The following CLINT1 variants were observed in gnomAD, a reference collection of about 807,000 sequenced individuals.
CLINT1 encodes the protein clathrin interacting protein localized in the trans-Golgi region.
A neutral mutation model predicts 70.4 loss-of-function variants in CLINT1; 15 were observed. The ratio of observed to expected loss-of-function variants is 0.21; its 90% CI spans 0.14 to 0.33. The LOEUF is 0.33. CLINT1 is among the 10% of genes least tolerant of loss of function. The probability of loss-of-function intolerance (pLI) is 1.00; values close to 1 mark genes in which losing one functional copy is unlikely to be tolerated. For synonymous variants in CLINT1, 227 were observed against 254.7 expected (o/e 0.89, Z 1.04); for missense variants, 615 against 778.1 (o/e 0.79, Z 2.49).
chr5:157,832,648 T>C (rs997004204), intron 1 of CLINT1, among the ~76,000 whole-genome samples: 1 of 152,232 alleles, frequency 6.6e-6, no homozygotes, highest in African/African-American at 2.4e-5. Flanking sequence ...GTGTTGGCCA[T>C]GTTAGTGCAC....
chr5:157,858,973 T>C lies in CLINT1; in HGVS notation c.-3A>G. 1.3e-6 allele frequency: 2 copies of C among 1,578,044 alleles called. No homozygotes were observed. Among genetic ancestry groups the C allele is most frequent in the Non-Finnish European group, 1.7e-6 (2 of 1,157,950 alleles). On this transcript the variant is annotated 5_prime_UTR_variant, in exon 1 of 12. Coordinates refer to ENST00000411809, the MANE Select transcript of CLINT1 (RefSeq NM_014666.4). ...CGCACCTTCCACATGTTCAACATCGTGCCCCGCGCGGGACGGTCCGCCGCC... is the reference window on the plus strand; with the variant it reads ...CGCACCTTCCACATGTTCAACATCGCGCCCCGCGCGGGACGGTCCGCCGCC...
intron 5 of CLINT1, among the ~76,000 whole-genome samples, chr5:157,811,728 A>C (rs929625235): frequency 9.2e-5 from 14 of 152,258 alleles, no homozygotes; most frequent in Non-Finnish European, 1.5e-4. Context: ...TCAATTTTCT[A>C]AGTTTAGCTG....
chr5:157,806,136 A>C, intron 6 of CLINT1, 24 bp from the exon 7 acceptor site: 1 of 1,608,818 alleles, frequency 6.2e-7, no homozygotes, highest in Non-Finnish European at 8.5e-7. Context: ...AAAATGAAGC[A>C]AAATAATAAG....
intron 1 of CLINT1, among the ~76,000 whole-genome samples, chr5:157,841,409 C>G (rs1753175314): frequency 1.3e-5 from 2 of 151,078 alleles, no homozygotes; most frequent in African/African-American, 4.9e-5. Flanking sequence ...CTACTGAAAA[C>G]ACAAAAATTA....
intron 8 of CLINT1, chr5:157,795,858 C>G (rs1485300157): frequency 6.6e-6 from 1 of 152,080 alleles, no homozygotes. Flanking sequence ...AGTGAGACTT[C>G]GTCTCTACAA....
chr5:157,818,649 CA>C (rs1010401458), intron 1 of CLINT1, among the ~76,000 whole-genome samples: 8 of 151,412 alleles, frequency 5.3e-5, no homozygotes, highest in African/African-American at 1.9e-4. Context: ...ACCCTGTCTC[CA>C]AAAAACAAAA....
chr5:157,830,863 A>G (rs1456207717), intron 1 of CLINT1, among the ~76,000 whole-genome samples: 1 of 150,230 alleles, frequency 6.7e-6, no homozygotes, highest in Non-Finnish European at 1.5e-5. Flanking sequence ...CCATCTCTAC[A>G]AAAGATTTCT....
chr5:157,821,413 A>G (rs1762876954), intron 1 of CLINT1, among the ~76,000 whole-genome samples: 1 of 152,216 alleles, frequency 6.6e-6, no homozygotes, highest in Non-Finnish European at 1.5e-5. Flanking sequence ...AAAGTAAAAG[A>G]AGAAAAATAA....
At chr5:157,825,425 G>A (rs561655962) in intron 1 of CLINT1, among the ~76,000 whole-genome samples, 35 of 152,074 alleles carry the variant, frequency 2.3e-4, no homozygotes, top group South Asian at 2.1e-3. Flanking sequence ...AAAAAATTAC[G>A]ATCAAATGAG....
Position 157,804,280 on chromosome 5 carries a change from CTA to C in CLINT1, c.943-563_943-562del, listed in dbSNP as rs151157474. 6.9e-3 allele frequency among the ~76,000 whole-genome samples: 1,045 copies of C among 152,208 alleles called. 5 individuals carry two copies. The highest frequency in any genetic ancestry group is 0.021 in the South Asian group (101 of 4,824). On this transcript the variant is annotated intron_variant, in intron 7 of 11. Transcript: ENST00000411809. ...GTATATCACACAAGTTAGTATAATT[CTA>C]TGTTATTTGATATATTGATATGTTT...
chr5:157,838,677 A>G (rs254664), intron 1 of CLINT1, among the ~76,000 whole-genome samples: 104,634 of 152,080 alleles, frequency 0.69, 36,092 homozygotes, highest in East Asian at 0.79. Context: ...CAATTCAAAA[A>G]CCAAAAGCAG....
chr5:157,808,740 A>G (rs1192826245), intron 6 of CLINT1, among the ~76,000 whole-genome samples: 1 of 152,142 alleles, frequency 6.6e-6, no homozygotes, highest in African/African-American at 2.4e-5. Context: ...ATACAGCTCT[A>G]TTCTCAAAAA....
At chr5:157,850,116 G>T (rs1176101750) in intron 1 of CLINT1, among the ~76,000 whole-genome samples, 1 of 152,170 alleles carries the variant, frequency 6.6e-6, no homozygotes, top group Non-Finnish European at 1.5e-5. Context: ...GGGCAACAAA[G>T]AGCCAGATCT....
intron 1 of CLINT1, among the ~76,000 whole-genome samples, chr5:157,824,626 G>A (rs1187146): frequency 0.13 from 20,389 of 152,220 alleles, 1,801 homozygotes; most frequent in African/African-American, 0.25. Context: ...AAATAGCCAT[G>A]CTGTTAAAGC....
chr5:157,790,742 A>G (rs1420785291), intron 10 of CLINT1: 2 of 408,866 alleles, frequency 4.9e-6, no homozygotes, highest in East Asian at 7.5e-5. Flanking sequence ...ATTCAGACAC[A>G]TATTTTCCAA....
chr5:157,826,650 C>T (rs754944812), intron 1 of CLINT1, among the ~76,000 whole-genome samples: 4 of 151,868 alleles, frequency 2.6e-5, no homozygotes, highest in Non-Finnish European at 2.9e-5. Context: ...GAGATCATAA[C>T]AAAATTATAA....
intron 1 of CLINT1, among the ~76,000 whole-genome samples, chr5:157,840,597 C>T (rs573907960): frequency 5.9e-5 from 8 of 136,248 alleles, no homozygotes; most frequent in South Asian, 4.5e-4. Flanking sequence ...TGTGCGTTTG[C>T]GTAAACAGAA....
intron 1 of CLINT1, among the ~76,000 whole-genome samples, chr5:157,841,603 C>A (rs1032009767): frequency 1.3e-5 from 2 of 152,082 alleles, no homozygotes; most frequent in African/African-American, 4.8e-5. Context: ...GTTGGTATTT[C>A]CTTTTCATTC....
intron 7 of CLINT1, among the ~76,000 whole-genome samples, chr5:157,804,516 T>C (rs578055676): frequency 6.6e-6 from 1 of 152,340 alleles, no homozygotes; most frequent in South Asian, 2.1e-4. Context: ...TACTATATAC[T>C]GTGATTCCAA....
Sources: gnomAD v4.1 joint callset for allele counts (sites outside exome capture counted in the v4.1 genomes callset) on GRCh38, gnomAD v4.1.1 for gene constraint, MANE v1.5 for transcripts, NCBI Gene and HGNC (gene_info 2026-07-23, HGNC 2026-07-21) for gene names.